Variants in FBN2 observed in about 807,000 individuals in gnomAD.
FBN2 encodes fibrillin 2.
FBN2 carries 105 observed loss-of-function variants against 355.6 expected under a neutral mutation model. That is an observed-to-expected ratio of 0.30 (90% confidence interval 0.25 to 0.35). The LOEUF (loss-of-function observed/expected upper bound fraction) is 0.35, where lower values mean the gene tolerates loss of function less well. FBN2 is among the 10% of genes least tolerant of loss of function. The pLI is 1.00. For missense variants in FBN2, 3,280 were observed against 3,758.7 expected, an observed-to-expected ratio of 0.87 and a Z score of 3.33; for synonymous variants, 1,350 against 1,301.2, an observed-to-expected ratio of 1.04 and a Z score of -0.81.
chr5:128,423,270 T>TA lies in FBN2; in HGVS notation c.953-14472dup, dbSNP rs1462848771. 2.0e-5 allele frequency among the ~76,000 whole-genome samples: 3 copies of TA among 152,274 alleles called. No homozygotes were observed. In the East Asian group the frequency reaches 5.8e-4, roughly 29 times the overall value. On this transcript the variant is annotated intron_variant, in intron 7 of 64. Coordinates refer to ENST00000262464, the MANE Select transcript of FBN2 (RefSeq NM_001999.4). ...TATTAGTCCGTTCTCACACTGCTAA[T>TA]AAAGACATACCTGAGACTGGGTAAT...
At chr5:128,416,924 C>A (rs1024386343) in intron 7 of FBN2, among the ~76,000 whole-genome samples, 4 of 152,084 alleles carry the variant, frequency 2.6e-5, no homozygotes, top group Non-Finnish European at 5.9e-5. Context: ...TGCACTGAAT[C>A]TGTAGATTGT....
intron 34 of FBN2, among the ~76,000 whole-genome samples, chr5:128,325,103 G>C (rs1750508704): frequency 1.3e-5 from 2 of 152,166 alleles, no homozygotes; most frequent in African/African-American, 2.4e-5. Context: ...GGGGTGGAGA[G>C]TTCTGTAGAT....
In FBN2 at chr5:128,480,008, A is replaced by G. The variant is rs71592873; in HGVS notation, c.629-15087T>C. ...TATATATATATATATATATATATAT[A>G]TATATATATATATATGTATATACAC... is the stretch of plus-strand genomic sequence containing the variant. On this transcript the variant is annotated intron_variant, in intron 5 of 64. Coordinates refer to ENST00000262464, the MANE Select transcript of FBN2 (RefSeq NM_001999.4). Among the ~76,000 whole-genome samples the G allele has an allele frequency of 4.2e-3, 341 of 80,912 alleles. 5 individuals are homozygous for G. Among genetic ancestry groups the G allele is most frequent in the African/African-American group, 5.2e-3 (117 of 22,456 alleles). The allele number at this position is 80,912 out of a possible 152,430, so 53.1% of individuals were successfully genotyped here.
intron 23 of FBN2, among the ~76,000 whole-genome samples, chr5:128,346,117 T>C (rs887640076): frequency 6.6e-5 from 10 of 152,218 alleles, no homozygotes; most frequent in African/African-American, 1.4e-4. Flanking sequence ...CCCTGGATTA[T>C]GTGAATTTTC....
chr5:128,387,426 T>C (rs1262985486), intron 11 of FBN2, among the ~76,000 whole-genome samples: 1 of 152,178 alleles, frequency 6.6e-6, no homozygotes, highest in African/African-American at 2.4e-5. Flanking sequence ...TTAGGTTTCG[T>C]TGATGTTTTG....
chr5:128,358,466 T>A (rs979321700), intron 19 of FBN2, among the ~76,000 whole-genome samples: 1 of 152,120 alleles, frequency 6.6e-6, no homozygotes, highest in East Asian at 1.9e-4. Context: ...GGAAAGCACA[T>A]AAACAAATAA....
chr5:128,512,075 G>A (rs1463345322), intron 5 of FBN2, among the ~76,000 whole-genome samples: 5 of 152,048 alleles, frequency 3.3e-5, no homozygotes, highest in Non-Finnish European at 7.4e-5. Context: ...TCATAATAAT[G>A]ATATACAATA....
chr5:128,490,059 A>G (rs1003299714), intron 5 of FBN2, among the ~76,000 whole-genome samples: 2 of 152,204 alleles, frequency 1.3e-5, no homozygotes, highest in Non-Finnish European at 2.9e-5. Context: ...GGTGCTCATT[A>G]AAGGAAAGCT....
At chr5:128,451,696 A>G (rs1329278716) in intron 6 of FBN2, among the ~76,000 whole-genome samples, 4 of 152,290 alleles carry the variant, frequency 2.6e-5, no homozygotes, top group Admixed American at 2.6e-4. Context: ...CACTGCGCAC[A>G]GCCTTAAACC....
In FBN2 at chr5:128,335,255, G is replaced by A. The variant is rs779621951; in HGVS notation, c.3888C>T (p.Gly1296=). ...CTCCAGGAATGTTGGTACACTGGCC[G>A]CCATCACAGATATCAGGATTGTTTT... is the stretch of plus-strand genomic sequence containing the variant. ...ECENNPDICD[G]GQCTNIPGEY... is the part of the protein sequence containing the mutation. Residue 1296 remains glycine, a synonymous_variant, in exon 30 of 65, where the codon GGC becomes GGT. Coordinates refer to ENST00000262464, the MANE Select transcript of FBN2 (RefSeq NM_001999.4). The A allele has an allele frequency of 5.6e-6, 9 of 1,613,844 alleles. No homozygotes were observed. Among genetic ancestry groups the A allele is most frequent in the African/African-American group, 1.3e-5 (1 of 75,016 alleles).
rs1561760421 is a variant in FBN2, at chr5:128,305,844, C to A, written c.5527G>T (p.Asp1843Tyr). 1 of 1,613,996 alleles carries A rather than the reference C, an allele frequency of 6.2e-7. No individual in the cohort carries two copies. Among genetic ancestry groups the A allele is most frequent in the Non-Finnish European group, 8.5e-7 (1 of 1,179,952 alleles). ...TTACCTTCACAAACCAACAGCAGGT[C>A]ATTGTAACTGAATCCTGTAGGGCAT... ...CECPTGFSYN[D>Y]LLLVCEDIDE... Residue 1843 changes from aspartate (D) to tyrosine (Y), a missense_variant, in exon 43 of 65, where the codon GAC becomes TAC. By Grantham distance (160) the Asp-to-Tyr change is radical (BLOSUM62 -3). Coordinates refer to ENST00000262464, the MANE Select transcript of FBN2 (RefSeq NM_001999.4).
At chr5:128,484,183 T>C (rs567988239) in intron 5 of FBN2, among the ~76,000 whole-genome samples, 2 of 152,376 alleles carry the variant, frequency 1.3e-5, no homozygotes, top group East Asian at 1.9e-4. Flanking sequence ...CTCAGTAATA[T>C]TGATAACCAA....
In FBN2 at chr5:128,288,431, C is replaced by T; in HGVS notation, c.6757+7G>A. 6.2e-7 allele frequency: 1 copy of T among 1,613,712 alleles called. No individual in the cohort carries two copies. The highest frequency in any genetic ancestry group is 1.3e-5 in the African/African-American group (1 of 75,038). ...AAGAAATAATATTTAAGACAAAGAT[C>T]ACTTGCCTTCACAATTCATCATGGG... On this transcript the variant is annotated splice_region_variant and intron_variant, in intron 53 of 64. Coordinates refer to ENST00000262464, the MANE Select transcript of FBN2 (RefSeq NM_001999.4).
intron 23 of FBN2, among the ~76,000 whole-genome samples, chr5:128,346,265 G>A (rs937792832): frequency 1.3e-5 from 2 of 152,144 alleles, no homozygotes; most frequent in Non-Finnish European, 2.9e-5. Flanking sequence ...TAAAAATAGA[G>A]TAGACCAGAA....
chr5:128,378,880 TTCA>T lies in FBN2; in HGVS notation c.1611_1613del (p.Asp537del). 8 of 1,612,900 alleles carry T rather than the reference TTCA, an allele frequency of 5.0e-6. No individual in the cohort carries two copies. Among genetic ancestry groups the T allele is most frequent in the Non-Finnish European group, 6.8e-6 (8 of 1,179,066 alleles). On this transcript the variant is annotated inframe_deletion, in exon 12 of 65. Transcript: ENST00000262464. ...CATTAGTGCAGGGATTTGATGTGCA[TTCA>T]TCAACATCTGTGAGCAGCAAAAGAA...
chr5:128,387,168 G>A (rs577578798), intron 11 of FBN2, among the ~76,000 whole-genome samples: 187 of 152,136 alleles, frequency 1.2e-3, no homozygotes, highest in Admixed American at 2.2e-3. Flanking sequence ...GCTCAATCTT[G>A]GGAGATGTTA....
intron 46 of FBN2, among the ~76,000 whole-genome samples, chr5:128,301,750 A>T (rs182644113): frequency 6.6e-6 from 1 of 152,304 alleles, no homozygotes; most frequent in Non-Finnish European, 1.5e-5. Flanking sequence ...TATTAATATA[A>T]CTCATGAATT....
rs767818673 is a variant in FBN2 at position 128,312,813 on chromosome 5, A to C, written c.4718-18T>G. 3 of 1,612,916 alleles carry C rather than the reference A, an allele frequency of 1.9e-6. No individual in the cohort carries two copies. Among genetic ancestry groups the C allele is most frequent in the Non-Finnish European group, 2.5e-6 (3 of 1,179,866 alleles). ...ACGGTTGTCTGCAGAGCAACAAAGG[A>C]GCTTACAGTTGCCCTTGCTTACATA... On this transcript the variant is annotated intron_variant, in intron 36 of 64. Coordinates refer to ENST00000262464, the MANE Select transcript of FBN2 (RefSeq NM_001999.4).
intron 7 of FBN2, among the ~76,000 whole-genome samples, chr5:128,410,275 T>C (rs1267587196): frequency 6.6e-6 from 1 of 152,228 alleles, no homozygotes; most frequent in East Asian, 1.9e-4. Flanking sequence ...TGTTGCATCC[T>C]GTGTTGCTAT....
Sources: allele counts gnomAD v4.1 joint callset (sites outside exome capture counted in the v4.1 genomes callset), GRCh38; gene constraint gnomAD v4.1.1; transcripts MANE v1.5; gene names NCBI Gene and HGNC (gene_info 2026-07-23, HGNC 2026-07-21).